GBE1: variants seen among roughly 807,000 people sequenced by gnomAD.
GBE1 encodes the protein 1,4-alpha-glucan branching enzyme 1.
In GBE1, 70 loss-of-function variants were observed where a neutral mutation model predicts 88.8. The observed-to-expected ratio is 0.79, with a 90% CI of 0.65 to 0.96. GBE1 has a LOEUF of 0.96. Among genes scored for constraint, GBE1 ranks in the 40% least tolerant of loss-of-function variants. The pLI is 0.00. For missense variants in GBE1, 872 were observed against 871.0 expected (o/e 1.00, Z -0.01); for synonymous variants, 284 against 300.1 (o/e 0.95, Z 0.56).
intron 1 of GBE1, among the ~76,000 whole-genome samples, chr3:81,722,831 T>C (rs1308295299): frequency 3.3e-5 from 5 of 149,832 alleles, no homozygotes; most frequent in Admixed American, 2.7e-4. Flanking sequence ...ACTTATTAAC[T>C]CATTCAAAAA....
chr3:81,573,824 A>C, intron 12 of GBE1, among the ~76,000 whole-genome samples: 1 of 151,998 alleles, frequency 6.6e-6, no homozygotes, highest in African/African-American at 2.4e-5. Flanking sequence ...AGGTACCATA[A>C]AAACAGTAAA....
chr3:81,737,350 A>ATTTTT (rs1706275063), intron 1 of GBE1, among the ~76,000 whole-genome samples: 1 of 85,216 alleles, frequency 1.2e-5, no homozygotes, highest in African/African-American at 6.4e-5. Flanking sequence ...TATTTATATA[A>ATTTTT]ATATATATTT....
Position 81,680,627 on chromosome 3 carries a change from C to T in GBE1, c.314-9674G>A, listed in dbSNP as rs369622276. 1.1e-4 allele frequency among the ~76,000 whole-genome samples: 17 copies of T among 151,870 alleles called. No homozygotes were observed. In the East Asian group the frequency reaches 1.4e-3, roughly 12 times the overall value. Reference sequence around the variant, plus strand: ...CTTTGCTGTGACTTGCATTATTGATCTCTTTTTACCTAGTATTATGGACTG... The same window carrying T: ...CTTTGCTGTGACTTGCATTATTGATTTCTTTTTACCTAGTATTATGGACTG... On this transcript the variant is annotated intron_variant, in intron 2 of 15. Transcript: ENST00000429644.
chr3:81,629,720 A>T (rs568879981), intron 7 of GBE1, among the ~76,000 whole-genome samples: 14 of 151,718 alleles, frequency 9.2e-5, no homozygotes, highest in Non-Finnish European at 1.6e-4. Context: ...TATATTTTTT[A>T]TTATTATTAT....
intron 9 of GBE1, among the ~76,000 whole-genome samples, chr3:81,588,185 G>T (rs1703825158): frequency 6.6e-6 from 1 of 151,198 alleles, no homozygotes; most frequent in Non-Finnish European, 1.5e-5. Context: ...TAAAATGTTT[G>T]CCAGTAATCT....
rs114511254 is a variant in GBE1 at position 81,641,550 on chromosome 3, T to C, written c.992+1231A>G. Reference sequence around the variant, plus strand: ...AGTCCCCAAACTCTGCCTCCTTCTATAATAAAAAGCCTGAGAATAAGAATG... The same window carrying C: ...AGTCCCCAAACTCTGCCTCCTTCTACAATAAAAAGCCTGAGAATAAGAATG... On this transcript the variant is annotated intron_variant, in intron 7 of 15. Coordinates refer to ENST00000429644, the MANE Select transcript of GBE1 (RefSeq NM_000158.4). Among the ~76,000 whole-genome samples the C allele has an allele frequency of 9.1e-3, 1,380 of 152,196 alleles. 23 individuals are homozygous for C. The highest frequency in any genetic ancestry group is 0.031 in the African/African-American group (1,298 of 41,530).
In GBE1 at chr3:81,535,322, A is replaced by AAAATGT; in HGVS notation, c.1806_1807insACATTT (p.Ala602_Tyr603insThrPhe). 1 of 1,601,700 alleles carries AAAATGT rather than the reference A, an allele frequency of 6.2e-7. No homozygotes were observed. Among genetic ancestry groups the AAAATGT allele is most frequent in the Non-Finnish European group, 8.5e-7 (1 of 1,175,858 alleles). On this transcript the variant is annotated inframe_insertion, in exon 14 of 16. Coordinates refer to ENST00000429644, the MANE Select transcript of GBE1 (RefSeq NM_000158.4). ...TTGCCTTCATGTTTTTCACTCACGT[A>AAAATGT]GGCCTGCAAGAATTAGCACACATGT...
intron 3 of GBE1, among the ~76,000 whole-genome samples, chr3:81,665,377 CA>C (rs1211734254): frequency 2.0e-5 from 3 of 149,142 alleles, no homozygotes; most frequent in African/African-American, 2.5e-5. Flanking sequence ...ACTAAAAATA[CA>C]AAAAAAAATT....
chr3:81,680,154 G>A (rs1705316840), intron 2 of GBE1, among the ~76,000 whole-genome samples: 1 of 152,126 alleles, frequency 6.6e-6, no homozygotes, highest in Non-Finnish European at 1.5e-5. Context: ...CCGGCTGCAA[G>A]CTAACAGTAT....
intron 12 of GBE1, among the ~76,000 whole-genome samples, chr3:81,559,461 T>C (rs956519586): frequency 2.4e-4 from 16 of 66,618 alleles, no homozygotes; most frequent in African/African-American, 1.3e-3. Context: ...TCTTCAGCCA[T>C]TTTTTTTCCA....
chr3:81,619,691 T>C (rs998641204), intron 7 of GBE1, among the ~76,000 whole-genome samples: 1 of 152,126 alleles, frequency 6.6e-6, no homozygotes, highest in South Asian at 2.1e-4. Flanking sequence ...ATAATTGTTT[T>C]AAAATTATCC....
intron 2 of GBE1, among the ~76,000 whole-genome samples, chr3:81,688,595 TATTAATAA>T (rs1232747729): frequency 6.6e-6 from 1 of 152,172 alleles, no homozygotes; most frequent in Non-Finnish European, 1.5e-5. Context: ...ACTAAGATTA[TATTAATAA>T]GAATTATACC....
intron 7 of GBE1, among the ~76,000 whole-genome samples, chr3:81,598,079 C>G (rs116578574): frequency 0.01 from 1,527 of 151,938 alleles, 20 homozygotes; most frequent in African/African-American, 0.035. Context: ...ATTTTGTAAT[C>G]CAAGCTTATT....
At chr3:81,619,685 T>C (rs1385510738) in intron 7 of GBE1, among the ~76,000 whole-genome samples, 1 of 152,086 alleles carries the variant, frequency 6.6e-6, no homozygotes, top group South Asian at 2.1e-4. Context: ...ATATACATAA[T>C]TGTTTTAAAA....
chr3:81,523,021 T>A (rs1365197964), intron 14 of GBE1, among the ~76,000 whole-genome samples: 1 of 151,442 alleles, frequency 6.6e-6, no homozygotes, highest in African/African-American at 2.4e-5. Context: ...GATAACTAAA[T>A]TTCAGAAGAC....
chr3:81,664,483 A>G (rs1483493211), intron 3 of GBE1, among the ~76,000 whole-genome samples: 1 of 151,716 alleles, frequency 6.6e-6, no homozygotes, highest in Non-Finnish European at 1.5e-5. Context: ...GAAGACAAAT[A>G]GTACAGATAT....
At chr3:81,619,208 T>C (rs931964077) in intron 7 of GBE1, among the ~76,000 whole-genome samples, 1 of 152,090 alleles carries the variant, frequency 6.6e-6, no homozygotes, top group Non-Finnish European at 1.5e-5. Context: ...GGCTAAACTA[T>C]GCATGTAGTA....
At chr3:81,544,110 A>C (rs1293090661) in intron 12 of GBE1, among the ~76,000 whole-genome samples, 1 of 152,184 alleles carries the variant, frequency 6.6e-6, no homozygotes, top group Non-Finnish European at 1.5e-5. Context: ...ACCATTCACT[A>C]TATTAGAATG....
At chr3:81,496,822 A>G (rs1333436302) in intron 15 of GBE1, among the ~76,000 whole-genome samples, 1 of 152,166 alleles carries the variant, frequency 6.6e-6, no homozygotes, top group Admixed American at 6.5e-5. Context: ...ATCTCACATT[A>G]AAACGAGTGA....
Sources: allele counts gnomAD v4.1 joint callset (sites outside exome capture counted in the v4.1 genomes callset), GRCh38; gene constraint gnomAD v4.1.1; transcripts MANE v1.5; gene names NCBI Gene and HGNC (gene_info 2026-07-23, HGNC 2026-07-21).